Variants in SNIP1 observed in about 807,000 individuals in gnomAD.
SNIP1 encodes smad nuclear-interacting protein 1.
SNIP1 carries 23 observed loss-of-function variants against 37.4 expected under a neutral mutation model. That is an observed-to-expected ratio of 0.61 (90% CI 0.44 to 0.87). SNIP1 has a LOEUF of 0.87. SNIP1 is among the 40% of genes least tolerant of loss of function. The probability of loss-of-function intolerance (pLI) is 0.00; values close to 1 mark genes in which losing one functional copy is unlikely to be tolerated. For synonymous variants in SNIP1, 174 were observed against 200.0 expected (o/e 0.87, Z 1.10); for missense variants, 459 against 540.4 (o/e 0.85, Z 1.49).
rs532304342 is a variant in SNIP1 at position 37,535,696 on chromosome 1, G to A, written c.*2052C>T. Reference sequence around the variant, plus strand: ...ACCGTCAGTCTGGATCAAGAGAAAAGTTCATCCAAACAAACCTACTTTTCA... The same window carrying A: ...ACCGTCAGTCTGGATCAAGAGAAAAATTCATCCAAACAAACCTACTTTTCA... On this transcript the variant is annotated 3_prime_UTR_variant, in exon 4 of 4. Coordinates refer to ENST00000296215, the MANE Select transcript of SNIP1 (RefSeq NM_024700.4). 6.6e-6 allele frequency: 1 copy of A among 152,036 alleles called. No homozygotes were observed. The highest frequency in any genetic ancestry group is 1.5e-5 in the Non-Finnish European group (1 of 68,032). 9.4% of individuals were successfully genotyped at this position (152,036 alleles called of 1,614,324 possible). A position where few individuals can be genotyped will look rare whatever the true frequency, so the allele number is the denominator to read the frequency against.
At chr1:37,545,907 T>C (rs1643230740) in intron 2 of SNIP1, among the ~76,000 whole-genome samples, 1 of 152,096 alleles carries the variant, frequency 6.6e-6, no homozygotes, top group Non-Finnish European at 1.5e-5. Context: ...TTGGCAAAGA[T>C]GTGGAAAAAT....
intron 2 of SNIP1, chr1:37,544,670 T>TACCTCTTCACTGGGCCCTCTGAC: frequency 1.9e-6 from 1 of 539,692 alleles, no homozygotes; most frequent in East Asian, 3.6e-5. Flanking sequence ...AGCCCTCTGT[T>TACCTCTTCACTGGGCCCTCTGAC]ACCTCTTCAC....
intron 2 of SNIP1, chr1:37,544,784 C>G: frequency 1.4e-6 from 1 of 733,954 alleles, no homozygotes; most frequent in Non-Finnish European, 2.5e-6. Context: ...GCGTCCCCCT[C>G]GCAGGTGCGC....
At chr1:37,553,767 G>C (rs1223483579) in intron 1 of SNIP1, among the ~76,000 whole-genome samples, 2 of 152,112 alleles carry the variant, frequency 1.3e-5, no homozygotes, top group Non-Finnish European at 2.9e-5. Context: ...GAAGTGCTAG[G>C]AACACAAGAA....
At chr1:37,541,009 A>G (rs948295704) in intron 2 of SNIP1, 4 of 391,524 alleles carry the variant, frequency 1.0e-5, no homozygotes, top group Middle Eastern at 6.7e-4. Flanking sequence ...CCTAAAAACA[A>G]GAGACTATTT....
chr1:37,540,246 A>G lies in SNIP1; in HGVS notation c.837T>C (p.Ser279=), dbSNP rs1643157142. 5.0e-6 allele frequency: 8 copies of G among 1,613,922 alleles called. No individual in the cohort carries two copies. The South Asian group carries it at 7.7e-5, about 16-fold the overall frequency. ...GGCGGTGTCGACCCAGTAGGTACGC[A>G]CTCTGTCGATGTATGTACATGACTG... ...VLPVMYIHRQ[S]AYLLGRHRRI... Residue 279 remains serine, a synonymous_variant, in exon 3 of 4, where the codon AGT becomes AGC. Coordinates refer to ENST00000296215, the MANE Select transcript of SNIP1 (RefSeq NM_024700.4). The surrounding 1 kb of genome is among the most constrained non-coding windows in gnomAD (Gnocchi z 5.6).
rs1317519777 is a variant in SNIP1 at position 37,535,374 on chromosome 1, AGAGT to A, written c.*2370_*2373del. 1 of 151,338 alleles carries A rather than the reference AGAGT, an allele frequency of 6.6e-6. No homozygotes were observed. Among genetic ancestry groups the A allele is most frequent in the Non-Finnish European group, 1.5e-5 (1 of 67,936 alleles). The allele number at this position is 151,338 out of a possible 1,614,324, so 9.4% of individuals were successfully genotyped here. A position where few individuals can be genotyped will look rare whatever the true frequency, so the allele number is the denominator to read the frequency against. On this transcript the variant is annotated 3_prime_UTR_variant, in exon 4 of 4. Coordinates refer to ENST00000296215, the MANE Select transcript of SNIP1 (RefSeq NM_024700.4). ...GCCACTGCACTCCAGCCTGGGCGAC[AGAGT>A]GAGACGCCATCTCAAAACAAACAAA...
At position 37,540,357 on chromosome 1, in the gene SNIP1, T is replaced by TACACCCCGG; in HGVS notation, c.717_725dup (p.Arg240_Val242dup). 1 of 1,614,184 alleles carries TACACCCCGG rather than the reference T, an allele frequency of 6.2e-7. No homozygotes were observed. The highest frequency in any genetic ancestry group is 8.5e-7 in the Non-Finnish European group (1 of 1,180,026). Reference sequence around the variant, plus strand: ...CTGGGGGCTCACTATATTTAATGACTACACCCCGGAAAGTGTTGGTGTCCT... The same window carrying TACACCCCGG: ...CTGGGGGCTCACTATATTTAATGACTACACCCCGGACACCCCGGAAAGTGTTGGTGTCCT... On this transcript the variant is annotated inframe_insertion, in exon 3 of 4. Transcript: ENST00000296215. The surrounding 1 kb of genome is among the most constrained non-coding windows in gnomAD (Gnocchi z 5.6).
At position 37,535,230 on chromosome 1, in the gene SNIP1, T is replaced by TTA. The variant is rs550915294; in HGVS notation, c.*2516_*2517dup. On this transcript the variant is annotated 3_prime_UTR_variant, in exon 4 of 4. Transcript: ENST00000296215. ...ACTAAAAAAAAATAAAAAATAAAAATTATATATATAAATTAGCCAGGCTTG... is the reference window on the plus strand; with the variant it reads ...ACTAAAAAAAAATAAAAAATAAAAATTATATATATATAAATTAGCCAGGCTTG... The TTA allele has an allele frequency of 2.3e-4, 4 of 17,294 alleles. No individual in the cohort carries two copies. The highest frequency in any genetic ancestry group is 3.8e-4 in the African/African-American group (3 of 7,984). The allele number at this position is 17,294 out of a possible 1,614,324, so 1.1% of individuals were successfully genotyped here.
chr1:37,547,448 G>A (rs1239859413), intron 2 of SNIP1, among the ~76,000 whole-genome samples: 1 of 152,126 alleles, frequency 6.6e-6, no homozygotes, highest in Non-Finnish European at 1.5e-5. Flanking sequence ...GAAAATGGTG[G>A]TTCAGTTGGG....
In SNIP1 at chr1:37,537,964, C is replaced by T. The variant is rs148190419; in HGVS notation, c.975G>A (p.Lys325=). ...CTGAGCCAAGGTCAATGATGTAGGGCTTCACTCTTCGGCCAACTGTGCCAT... is the reference window on the plus strand; with the variant it reads ...CTGAGCCAAGGTCAATGATGTAGGGTTTCACTCTTCGGCCAACTGTGCCAT... ...RADGTVGRRV[K]PYIIDLGSGN... The change falls in exon 4 of 4, where the codon AAG becomes AAA. Residue 325 remains lysine, a synonymous_variant. Transcript: ENST00000296215. The T allele has an allele frequency of 7.4e-6, 12 of 1,614,040 alleles. No individual in the cohort carries two copies. In the African/African-American group the frequency reaches 1.5e-4, roughly 20 times the overall value.
At chr1:37,550,922 T>C (rs990180756) in intron 2 of SNIP1, among the ~76,000 whole-genome samples, 1 of 151,402 alleles carries the variant, frequency 6.6e-6, no homozygotes, top group Non-Finnish European at 1.5e-5. Context: ...AGTGAAACCC[T>C]TTCTGTACTA....
At chr1:37,545,799 T>C (rs1355364869) in intron 2 of SNIP1, among the ~76,000 whole-genome samples, 1 of 151,764 alleles carries the variant, frequency 6.6e-6, no homozygotes, top group Non-Finnish European at 1.5e-5. Flanking sequence ...CGCCGCCCTC[T>C]CTAAAAATAA....
rs1293636013 is a variant in SNIP1 at position 37,537,105 on chromosome 1, T to C, written c.*643A>G. On this transcript the variant is annotated 3_prime_UTR_variant, in exon 4 of 4. Coordinates refer to ENST00000296215, the MANE Select transcript of SNIP1 (RefSeq NM_024700.4). ...ACCCACTGGTAGCAACCAGGATCCT[T>C]CTGTACAGTCACGGGCTTGAGCAGG... The C allele has an allele frequency of 6.6e-6, 1 of 152,588 alleles. No individual in the cohort carries two copies. Among genetic ancestry groups the C allele is most frequent in the African/African-American group, 2.4e-5 (1 of 41,466 alleles). 9.5% of individuals were successfully genotyped at this position (152,588 alleles called of 1,614,324 possible).
chr1:37,551,289 A>T (rs1643299684), intron 2 of SNIP1, among the ~76,000 whole-genome samples: 2 of 151,864 alleles, frequency 1.3e-5, no homozygotes, highest in Admixed American at 6.6e-5. Flanking sequence ...AAAAAAAGGA[A>T]AACGCAAATT....
chr1:37,535,249 A>T lies in SNIP1; in HGVS notation c.*2499T>A, dbSNP rs1364231613. On this transcript the variant is annotated 3_prime_UTR_variant, in exon 4 of 4. Transcript: ENST00000296215. ...TAAAAATTATATATATAAATTAGCCAGGCTTGGTGACAGGTGCCTGTAGTC... is the reference window on the plus strand; with the variant it reads ...TAAAAATTATATATATAAATTAGCCTGGCTTGGTGACAGGTGCCTGTAGTC... 1.6e-5 allele frequency: 1 copy of T among 61,876 alleles called. No individual in the cohort carries two copies. 3.8% of individuals were successfully genotyped at this position (61,876 alleles called of 1,614,324 possible).
chr1:37,554,012 A>C lies in SNIP1; in HGVS notation c.218T>G (p.Val73Gly), dbSNP rs1570032421. 1.5e-5 allele frequency: 23 copies of C among 1,563,866 alleles called. No homozygotes were observed. Among genetic ancestry groups the C allele is most frequent in the Non-Finnish European group, 1.9e-5 (22 of 1,154,662 alleles). ...SGHRGNRARG[V>G]SRSPPKKKNK... The stretch of plus-strand genomic sequence containing the variant: ...GGACTGCTCCCCCACTTACCGGCTA[A>C]CTCCTCGGGCTCGGTTCCCGCGGTG... Residue 73 changes from valine (V) to glycine (G), a missense_variant, in exon 1 of 4, where the codon GTT becomes GGT. By Grantham distance (109) the Val-to-Gly change is moderately radical. Coordinates refer to ENST00000296215, the MANE Select transcript of SNIP1 (RefSeq NM_024700.4).
chr1:37,551,495 CAG>C (rs1341192097), intron 2 of SNIP1, among the ~76,000 whole-genome samples: 1 of 152,142 alleles, frequency 6.6e-6, no homozygotes, highest in Non-Finnish European at 1.5e-5. Flanking sequence ...CCAAGTACCT[CAG>C]AATGTATTAA....
intron 2 of SNIP1, among the ~76,000 whole-genome samples, chr1:37,549,207 C>T (rs1292057780): frequency 6.6e-6 from 1 of 151,854 alleles, no homozygotes; most frequent in African/African-American, 2.4e-5. Context: ...TTTGGACACT[C>T]ATTTAAAATA....
Sources: gnomAD v4.1 joint callset for allele counts (sites outside exome capture counted in the v4.1 genomes callset) on GRCh38, gnomAD v4.1.1 for gene constraint, Gnocchi (gnomAD v3.1) non-coding constraint, MANE v1.5 for transcripts, NCBI Gene and HGNC (gene_info 2026-07-23, HGNC 2026-07-21) for gene names.